Variants in GRM7 observed in about 807,000 individuals in gnomAD.
GRM7 encodes metabotropic glutamate receptor 7.
A neutral mutation model predicts 84.5 loss-of-function variants in GRM7; 35 were observed. That is an observed-to-expected ratio of 0.41 (90% CI 0.32 to 0.55). GRM7 has a LOEUF of 0.55. GRM7 is among the 20% of genes least tolerant of loss of function. The pLI is 0.19. For missense variants in GRM7, 1,003 were observed against 1,194.6 expected (o/e 0.84, Z 2.36); for synonymous variants, 487 against 455.1 (o/e 1.07, Z -0.89).
intron 4 of GRM7, among the ~76,000 whole-genome samples, chr3:7,321,372 T>C (rs1451616080): frequency 1.3e-5 from 2 of 152,056 alleles, no homozygotes; most frequent in Non-Finnish European, 2.9e-5. Context: ...TAAGCAGAGT[T>C]CAATTATTTG....
At chr3:7,144,798 A>G (rs1694055718) in intron 1 of GRM7, among the ~76,000 whole-genome samples, 1 of 152,142 alleles carries the variant, frequency 6.6e-6, no homozygotes, top group African/African-American at 2.4e-5. Context: ...ACTTGCATTA[A>G]ACCTCACTAT....
intron 8 of GRM7, among the ~76,000 whole-genome samples, chr3:7,595,465 A>G (rs1695993150): frequency 6.6e-6 from 1 of 152,218 alleles, no homozygotes; most frequent in Non-Finnish European, 1.5e-5. Flanking sequence ...GATAAAGTAA[A>G]CAATTCAAAT....
chr3:7,360,393 G>A lies in GRM7; in HGVS notation c.1033+53741G>A, dbSNP rs535870101. Among the ~76,000 whole-genome samples, 187 of 151,332 alleles carry A rather than the reference G, an allele frequency of 1.2e-3. 21 individuals are homozygous for A. The highest frequency in any genetic ancestry group is 6.8e-3 in the Middle Eastern group (2 of 294). On this transcript the variant is annotated intron_variant, in intron 4 of 9. Transcript: ENST00000357716. ...ATAAAAACGTATTCTCTAAGGAAAT[G>A]AAACATGGCAAATAATTACCTTTTG...
In GRM7 at chr3:7,446,428, T is replaced by C. The variant is rs1697509679; in HGVS notation, c.1175-6179T>C. Among the ~76,000 whole-genome samples, 3 of 151,822 alleles carry C rather than the reference T, an allele frequency of 2.0e-5. No individual in the cohort carries two copies. In the South Asian group the frequency reaches 6.2e-4, roughly 31 times the overall value. On this transcript the variant is annotated intron_variant, in intron 5 of 9. Transcript: ENST00000357716. ...TGGTTTTCCTTTTGAAACACGATTT[T>C]GTTGTTGTTGTTTTTGGTCTTGTTT...
chr3:7,307,203 C>G (rs1217012555), intron 4 of GRM7, among the ~76,000 whole-genome samples: 2 of 152,162 alleles, frequency 1.3e-5, no homozygotes, highest in Non-Finnish European at 2.9e-5. Context: ...ATGCCTCTTT[C>G]TTTGCCTTCC....
chr3:6,973,420 T>C (rs1011111214), intron 1 of GRM7, among the ~76,000 whole-genome samples: 13 of 152,206 alleles, frequency 8.5e-5, no homozygotes, highest in Non-Finnish European at 1.8e-4. Context: ...GGAAAATGTA[T>C]ACATATACAC....
chr3:7,281,420 A>G (rs1206139407), intron 2 of GRM7, among the ~76,000 whole-genome samples: 2 of 152,114 alleles, frequency 1.3e-5, no homozygotes, highest in South Asian at 2.1e-4. Flanking sequence ...GAGTTGGAAG[A>G]TCTCAATAAA....
chr3:7,214,153 G>A, intron 2 of GRM7, among the ~76,000 whole-genome samples: 1 of 151,728 alleles, frequency 6.6e-6, no homozygotes. Context: ...TGATTCTTGG[G>A]GATAAGAACT....
intron 8 of GRM7, among the ~76,000 whole-genome samples, chr3:7,645,888 C>T (rs80164764): frequency 5.3e-5 from 8 of 152,182 alleles, no homozygotes; most frequent in Non-Finnish European, 1.2e-4. Context: ...CTTATCACAC[C>T]CAGTCCTTGC....
intron 7 of GRM7, among the ~76,000 whole-genome samples, chr3:7,564,251 C>A (rs1694157547): frequency 6.6e-6 from 1 of 152,110 alleles, no homozygotes; most frequent in Admixed American, 6.6e-5. Context: ...CAAGTTTTAC[C>A]ATGTGTCAGA....
intron 1 of GRM7, among the ~76,000 whole-genome samples, chr3:7,030,208 C>G (rs1363305301): frequency 6.6e-6 from 1 of 152,156 alleles, no homozygotes; most frequent in Non-Finnish European, 1.5e-5. Flanking sequence ...TACACTCTAT[C>G]ATGACATTTC....
At chr3:7,216,228 A>G (rs1696605491) in intron 2 of GRM7, among the ~76,000 whole-genome samples, 1 of 152,178 alleles carries the variant, frequency 6.6e-6, no homozygotes, top group African/African-American at 2.4e-5. Context: ...TTTGGAATTT[A>G]GAAGCTGCAG....
chr3:6,946,294 C>T (rs909774071), intron 1 of GRM7, among the ~76,000 whole-genome samples: 1 of 152,160 alleles, frequency 6.6e-6, no homozygotes, highest in Non-Finnish European at 1.5e-5. Flanking sequence ...CCAGTTTTCC[C>T]AGCACCATTT....
intron 7 of GRM7, among the ~76,000 whole-genome samples, chr3:7,576,878 T>C (rs760277769): frequency 4.6e-5 from 7 of 152,204 alleles, no homozygotes; most frequent in Non-Finnish European, 8.8e-5. Context: ...TATTTTAACA[T>C]AGATAAATTT....
intron 4 of GRM7, among the ~76,000 whole-genome samples, chr3:7,378,499 A>G (rs1046114518): frequency 6.6e-6 from 1 of 152,302 alleles, no homozygotes; most frequent in Admixed American, 6.5e-5. Context: ...CTTGGGAGTT[A>G]AGGGACTACT....
At chr3:7,724,668 C>G (rs1330147652) in intron 9 of GRM7, among the ~76,000 whole-genome samples, 1 of 152,210 alleles carries the variant, frequency 6.6e-6, no homozygotes, top group Non-Finnish European at 1.5e-5. Context: ...TTAAGGAATA[C>G]AAGTCAGAAC....
In GRM7 at chr3:7,379,599, A is replaced by G. The variant is rs1434542652; in HGVS notation, c.1034-35424A>G. Among the ~76,000 whole-genome samples the G allele has an allele frequency of 4.6e-5, 7 of 152,280 alleles. No individual in the cohort carries two copies. The South Asian group carries it at 8.3e-4, about 18-fold the overall frequency. ...ATCATGAGAATGTTTGGTTTTCCCT[A>G]TATATTTTTTCTTATCTTTTTGGTG... On this transcript the variant is annotated intron_variant, in intron 4 of 9. Transcript: ENST00000357716.
At chr3:7,178,288 T>G (rs1349458577) in intron 2 of GRM7, among the ~76,000 whole-genome samples, 1 of 152,218 alleles carries the variant, frequency 6.6e-6, no homozygotes, top group East Asian at 1.9e-4. Flanking sequence ...AGAAGCTTTT[T>G]TTTAGGTCTT....
chr3:7,498,592 T>C (rs982731523), intron 7 of GRM7, among the ~76,000 whole-genome samples: 3 of 152,184 alleles, frequency 2.0e-5, no homozygotes, highest in African/African-American at 7.2e-5. Flanking sequence ...TGATGGGACA[T>C]GATGAGGATT....
Sources: allele counts gnomAD v4.1 joint callset (sites outside exome capture counted in the v4.1 genomes callset), GRCh38; gene constraint gnomAD v4.1.1; transcripts MANE v1.5; gene names NCBI Gene and HGNC (gene_info 2026-07-23, HGNC 2026-07-21).